GPSM1: variants seen among roughly 807,000 people sequenced by gnomAD.
GPSM1 encodes G protein signaling modulator 1, also known as G protein-signaling modulator 1.
A neutral mutation model predicts 70.5 loss-of-function variants in GPSM1; 48 were observed. The ratio of observed to expected loss-of-function variants is 0.68; its 90% CI spans 0.54 to 0.87. The LOEUF is 0.87. Among genes scored for constraint, GPSM1 ranks in the 40% least tolerant of loss-of-function variants. GPSM1 has a pLI of 0.00. For missense variants in GPSM1, 981 were observed against 972.6 expected, an observed-to-expected ratio of 1.01 and a Z score of -0.11; for synonymous variants, 416 against 430.1, an observed-to-expected ratio of 0.97 and a Z score of 0.41.
chr9:136,344,144 C>CG (rs1160368575), intron 9 of GPSM1, among the ~76,000 whole-genome samples: 1 of 118,606 alleles, frequency 8.4e-6, no homozygotes, highest in Non-Finnish European at 1.7e-5. Flanking sequence ...CGGACAGGAA[C>CG]GGGGGAGGTG....
At chr9:136,328,140 G>C (rs956968523) in intron 1 of GPSM1, among the ~76,000 whole-genome samples, 4 of 152,210 alleles carry the variant, frequency 2.6e-5, no homozygotes, top group Non-Finnish European at 5.9e-5. Flanking sequence ...GCTCTGGATG[G>C]GGCTCTGCCC....
intron 9 of GPSM1, among the ~76,000 whole-genome samples, chr9:136,346,655 T>C (rs576438499): frequency 6.6e-6 from 1 of 152,330 alleles, no homozygotes; most frequent in Admixed American, 6.5e-5. Context: ...AGGCCTGTTC[T>C]CATCCGCAGC....
In GPSM1 at chr9:136,341,567, G is replaced by C; in HGVS notation, c.1207+574G>C. Reference sequence around the variant, plus strand: ...GAAAAGACTAATAGGTGCCAGGGGGGTGGTGCCAGGTTGGGCCGACTTCCT... The same window carrying C: ...GAAAAGACTAATAGGTGCCAGGGGGCTGGTGCCAGGTTGGGCCGACTTCCT... On this transcript the variant is annotated intron_variant, in intron 9 of 13. Transcript: ENST00000440944. The surrounding 1 kb of genome is among the most constrained non-coding windows in gnomAD (Gnocchi z 6.7). 1 of 1,028,740 alleles carries C rather than the reference G, an allele frequency of 9.7e-7. No individual in the cohort carries two copies. The allele number at this position is 1,028,740 out of a possible 1,614,324, so 63.7% of individuals were successfully genotyped here. A position where few individuals can be genotyped will look rare whatever the true frequency, so the allele number is the denominator to read the frequency against.
intron 11 of GPSM1, chr9:136,354,952 C>T (rs1240846433): frequency 2.9e-6 from 3 of 1,034,610 alleles, no homozygotes; most frequent in South Asian, 3.1e-5. Context: ...GGGCAGGTGA[C>T]GGACAGAGGC....
At position 136,327,780 on chromosome 9, in the gene GPSM1, C is replaced by A. The variant is rs1554768080; in HGVS notation, c.68+17C>A. 4.8e-6 allele frequency: 5 copies of A among 1,036,556 alleles called. No homozygotes were observed. In the South Asian group the frequency reaches 1.4e-4, roughly 30 times the overall value. The allele number at this position is 1,036,556 out of a possible 1,614,324, so 64.2% of individuals were successfully genotyped here. A position where few individuals can be genotyped will look rare whatever the true frequency, so the allele number is the denominator to read the frequency against. On this transcript the variant is annotated intron_variant, in intron 1 of 13. Transcript: ENST00000440944. ...CTACTCCAGGTAGGACGGGCCGGGG[C>A]CGGGGCCGGGGCCGGGGCTGGGACC...
intron 11 of GPSM1, among the ~76,000 whole-genome samples, chr9:136,349,994 G>A (rs753738530): frequency 1.3e-5 from 2 of 152,230 alleles, no homozygotes; most frequent in Admixed American, 6.5e-5. Context: ...CCCGGCCACC[G>A]AGGAGCCTCC....
In GPSM1 at chr9:136,352,144, T is replaced by G. The variant is rs1377875966; in HGVS notation, c.1455+2381T>G. Among the ~76,000 whole-genome samples, 49 of 141,990 alleles carry G rather than the reference T, an allele frequency of 3.5e-4. 9 individuals carry two copies. Among genetic ancestry groups the G allele is most frequent in the African/African-American group, 1.1e-3 (42 of 37,652 alleles). The allele number at this position is 141,990 out of a possible 152,430, so 93.2% of individuals were successfully genotyped here. A position where few individuals can be genotyped will look rare whatever the true frequency, so the allele number is the denominator to read the frequency against. ...CCGTTGCTGTTGGTGACACCAATGC[T>G]GCGCCGTTGCTGTTGGTGACACCAA... On this transcript the variant is annotated intron_variant, in intron 11 of 13. Coordinates refer to ENST00000440944, the MANE Select transcript of GPSM1 (RefSeq NM_001145638.3).
At position 136,355,806 on chromosome 9, in the gene GPSM1, T is replaced by G; in HGVS notation, c.1572T>G (p.Ala524=). The change falls in exon 12 of 14, where the codon GCT becomes GCG. Residue 524 remains alanine, a synonymous_variant. Coordinates refer to ENST00000440944, the MANE Select transcript of GPSM1 (RefSeq NM_001145638.3). ...CCCTGGACGATGGCCAGGCCGGGGC[T>G]GCCGAGGCCACGGCCGCCCCCACCC... The part of the protein sequence containing the change: ...RCPLDDGQAG[A]AEATAAPTLE... The G allele has an allele frequency of 6.2e-7, 1 of 1,611,474 alleles. No homozygotes were observed. The highest frequency in any genetic ancestry group is 2.2e-5 in the East Asian group (1 of 44,824).
rs190965617 is a variant in GPSM1 at position 136,351,251 on chromosome 9, C to T, written c.1455+1488C>T. ...ACCATCTGGGCTAGGTCCATCCGTCCACTGATGGGAGAGGTGTGGAGGGAA... is the reference window on the plus strand; with the variant it reads ...ACCATCTGGGCTAGGTCCATCCGTCTACTGATGGGAGAGGTGTGGAGGGAA... On this transcript the variant is annotated intron_variant, in intron 11 of 13. Transcript: ENST00000440944. Among the ~76,000 whole-genome samples the T allele has an allele frequency of 8.5e-5, 13 of 152,256 alleles. No individual in the cohort carries two copies. The East Asian group carries it at 2.1e-3, about 25-fold the overall frequency.
chr9:136,355,680 C>G lies in GPSM1; in HGVS notation c.1456-10C>G. ...TAGCTTTGGCTGCGGTGACCCCACT[C>G]CCTCCCCAGAGCATCCCGAGGGCCC... On this transcript the variant is annotated splice_polypyrimidine_tract_variant and intron_variant, in intron 11 of 13. Transcript: ENST00000440944. 6.2e-7 allele frequency: 1 copy of G among 1,610,720 alleles called. No homozygotes were observed.
Position 136,334,720 on chromosome 9 carries a change from G to A in GPSM1, c.290+52G>A, listed in dbSNP as rs544223846. 514 of 1,459,858 alleles carry A rather than the reference G, an allele frequency of 3.5e-4. 2 individuals carry two copies. Among genetic ancestry groups the A allele is most frequent in the East Asian group, 4.6e-4 (20 of 43,296 alleles). 90.4% of individuals were successfully genotyped at this position (1,459,858 alleles called of 1,614,324 possible). A position where few individuals can be genotyped will look rare whatever the true frequency, so the allele number is the denominator to read the frequency against. ...GTGAGTGGGGCGGCCCTGCTGGCGC[G>A]GTGAGTGGGGACGGCCCTGCTGGTG... On this transcript the variant is annotated intron_variant, in intron 2 of 13. Transcript: ENST00000440944.
intron 9 of GPSM1, among the ~76,000 whole-genome samples, chr9:136,344,442 G>T (rs1554770893): frequency 6.6e-6 from 1 of 152,222 alleles, no homozygotes; most frequent in Non-Finnish European, 1.5e-5. Context: ...GCTGGCGAGA[G>T]CCTCTTCCGG....
rs1257513511 is a variant in GPSM1, at chr9:136,358,600, CCGCCTCTTGGGG to C, written c.*382_*393del. On this transcript the variant is annotated 3_prime_UTR_variant, in exon 14 of 14. Transcript: ENST00000440944. ...CACCCTCCCCAAAGGTGTCTCTGAG[CCGCCTCTTGGGG>C]CCACCAAGGACAGGGCCATGTTCTG... 2.9e-6 allele frequency: 1 copy of C among 348,810 alleles called. No individual in the cohort carries two copies. The highest frequency in any genetic ancestry group is 2.2e-5 in the African/African-American group (1 of 44,796). The allele number at this position is 348,810 out of a possible 1,614,324, so 21.6% of individuals were successfully genotyped here. A position where few individuals can be genotyped will look rare whatever the true frequency, so the allele number is the denominator to read the frequency against.
chr9:136,334,688 C>T lies in GPSM1; in HGVS notation c.290+20C>T. On this transcript the variant is annotated intron_variant, in intron 2 of 13. Transcript: ENST00000440944. The stretch of plus-strand genomic sequence containing the variant: ...GGCGCGGTGAGTGGGGACGGTCCTG[C>T]TGGCGGGTGAGTGGGGCGGCCCTGC... The T allele has an allele frequency of 6.3e-7, 1 of 1,593,390 alleles. No homozygotes were observed. Among genetic ancestry groups the T allele is most frequent in the Non-Finnish European group, 8.6e-7 (1 of 1,167,450 alleles).
intron 8 of GPSM1, 89 bp downstream of exon 8, chr9:136,339,904 G>A (rs1352724207): frequency 1.3e-5 from 10 of 750,738 alleles, no homozygotes; most frequent in Non-Finnish European, 1.8e-5. Flanking sequence ...GAGCGTGTGC[G>A]TGCCTGGGCC....
Position 136,356,326 on chromosome 9 carries a change from C to T in GPSM1, c.1613-16C>T, listed in dbSNP as rs1554773128. The T allele has an allele frequency of 6.5e-7, 1 of 1,544,756 alleles. No homozygotes were observed. Among genetic ancestry groups the T allele is most frequent in the South Asian group, 1.2e-5 (1 of 82,742 alleles). ...CCCGCACTGGGTCCCAGGTCTCACC[C>T]TCTGGCCCCCCGCAGCCCAGCCCTC... On this transcript the variant is annotated splice_polypyrimidine_tract_variant and intron_variant, in intron 12 of 13. Transcript: ENST00000440944.
intron 9 of GPSM1, among the ~76,000 whole-genome samples, chr9:136,348,253 C>T (rs1047122302): frequency 6.6e-6 from 1 of 152,188 alleles, no homozygotes; most frequent in South Asian, 2.1e-4. Flanking sequence ...TGGGAGTGGA[C>T]CCACAGGCCC....
chr9:136,353,305 C>T (rs1166525686), intron 11 of GPSM1: 2 of 165,050 alleles, frequency 1.2e-5, no homozygotes, highest in East Asian at 3.8e-4. Flanking sequence ...AGACTAGAGT[C>T]AGACTGCAGG....
intron 11 of GPSM1, among the ~76,000 whole-genome samples, chr9:136,354,081 C>T (rs1449801265): frequency 2.0e-5 from 3 of 152,144 alleles, no homozygotes; most frequent in African/African-American, 4.8e-5. Context: ...AACTCTCCCT[C>T]CTCAGGTCTG....
Sources: allele counts gnomAD v4.1 joint callset (sites outside exome capture counted in the v4.1 genomes callset), GRCh38; gene constraint gnomAD v4.1.1; non-coding constraint Gnocchi (gnomAD v3.1); transcripts MANE v1.5; gene names NCBI Gene and HGNC (gene_info 2026-07-23, HGNC 2026-07-21).